Variants in PLIN5 observed in about 807,000 individuals in gnomAD.
PLIN5 encodes perilipin-5.
A neutral mutation model predicts 32.8 loss-of-function variants in PLIN5; 34 were observed. The ratio of observed to expected loss-of-function variants is 1.04; its 90% confidence interval spans 0.79 to 1.38. The LOEUF (loss-of-function observed/expected upper bound fraction) is 1.38, where lower values mean the gene tolerates loss of function less well. Among genes scored for constraint, PLIN5 ranks in the 40% most tolerant of loss-of-function variants. The pLI, the probability that PLIN5 is intolerant of heterozygous loss-of-function variation, is 0.00. For synonymous variants in PLIN5, 309 were observed against 292.9 expected (o/e 1.05, Z -0.56); for missense variants, 712 against 660.5 (o/e 1.08, Z -0.85).
rs768121130 is a variant in PLIN5, at chr19:4,531,819, C to T, written c.64G>A (p.Val22Met). The part of the protein sequence containing the change: ...SSVWEQDQQN[V>M]VQRVVALPLV... ...GGCAGAGCCACCACACGCTGCACCA[C>T]GTTCTGCGGGAAGGGTCGGCATCAG... The change falls in exon 3 of 8, where the codon GTG becomes ATG. Residue 22 changes from valine to methionine, a missense_variant. Transcript: ENST00000381848. The T allele has an allele frequency of 2.2e-5, 34 of 1,547,340 alleles. No homozygotes were observed. The Admixed American group carries it at 2.9e-4, about 13-fold the overall frequency.
chr19:4,529,586 A>G (rs921270895), intron 4 of PLIN5, 198 bp downstream of exon 4: 12 of 510,212 alleles, frequency 2.4e-5, no homozygotes, highest in Non-Finnish European at 4.2e-5. Flanking sequence ...ACATATATAC[A>G]CTATACGTAT....
In PLIN5 at chr19:4,525,095, T is replaced by C; in HGVS notation, c.721-19A>G. On this transcript the variant is annotated intron_variant, in intron 6 of 7. Coordinates refer to ENST00000381848, the MANE Select transcript of PLIN5 (RefSeq NM_001013706.3). The surrounding 1 kb of genome is among the most constrained non-coding windows in gnomAD (Gnocchi z 5.6). ...GGTCTATCTGCAAGGACAGAAATGGTGGTCTTCAGAGCTGGGGGAGCTGGG... is the reference window on the plus strand; with the variant it reads ...GGTCTATCTGCAAGGACAGAAATGGCGGTCTTCAGAGCTGGGGGAGCTGGG... The C allele has an allele frequency of 8.7e-7, 1 of 1,142,880 alleles. No homozygotes were observed. The highest frequency in any genetic ancestry group is 1.1e-6 in the Non-Finnish European group (1 of 884,998). 70.8% of individuals were successfully genotyped at this position (1,142,880 alleles called of 1,614,324 possible).
In PLIN5 at chr19:4,529,531, T is replaced by C. The variant is rs988294724; in HGVS notation, c.339+253A>G. On this transcript the variant is annotated intron_variant, in intron 4 of 7. Coordinates refer to ENST00000381848, the MANE Select transcript of PLIN5 (RefSeq NM_001013706.3). ...ATACATGTATATATACACATATACA[T>C]ATATACTTATACGTATATATACATA... 3.2e-5 allele frequency: 15 copies of C among 466,322 alleles called. No homozygotes were observed. The African/African-American group carries it at 5.9e-4, about 18-fold the overall frequency. 28.9% of individuals were successfully genotyped at this position (466,322 alleles called of 1,614,324 possible).
chr19:4,531,692 A>G lies in PLIN5; in HGVS notation c.191T>C (p.Val64Ala), dbSNP rs1339207359. 2 of 1,561,284 alleles carry G rather than the reference A, an allele frequency of 1.3e-6. No homozygotes were observed. The highest frequency in any genetic ancestry group is 1.9e-5 in the Admixed American group (1 of 53,700). The change falls in exon 3 of 8, where the codon GTG becomes GCG. Residue 64 changes from valine to alanine, a missense_variant. By Grantham distance (64) the Val-to-Ala change is moderately conservative. Transcript: ENST00000381848. ...CAGGGCACGGGTGGTCAGGCCGCACACGCAGTTCTCAGCCAGGCGGCAGGC... is the reference window on the plus strand; with the variant it reads ...CAGGGCACGGGTGGTCAGGCCGCACGCGCAGTTCTCAGCCAGGCGGCAGGC... ...GSACRLAENCVCGLTTRALDH... is the reference protein window; with the variant it reads ...GSACRLAENCACGLTTRALDH...
chr19:4,533,825 C>T, intron 2 of PLIN5, 190 bp downstream of exon 2: 1 of 646,028 alleles, frequency 1.5e-6, no homozygotes, highest in South Asian at 2.0e-5. Flanking sequence ...GAGAGACACT[C>T]CCCTCCCAGG....
chr19:4,523,262 A>T lies in PLIN5; in HGVS notation c.*266T>A. The T allele has an allele frequency of 2.5e-6, 1 of 394,974 alleles. No individual in the cohort carries two copies. Among genetic ancestry groups the T allele is most frequent in the Non-Finnish European group, 4.5e-6 (1 of 222,850 alleles). The allele number at this position is 394,974 out of a possible 1,614,324, so 24.5% of individuals were successfully genotyped here. ...TTGGATTCGCTTCATGGAGCCAGGG[A>T]GCAGGACATAGGTGAAGAACCCAGC... On this transcript the variant is annotated 3_prime_UTR_variant, in exon 8 of 8. Coordinates refer to ENST00000381848, the MANE Select transcript of PLIN5 (RefSeq NM_001013706.3). The surrounding 1 kb of genome is among the most constrained non-coding windows in gnomAD (Gnocchi z 5.0).
intron 3 of PLIN5, among the ~76,000 whole-genome samples, chr19:4,531,035 C>G (rs1976877687): frequency 6.7e-6 from 1 of 148,398 alleles, no homozygotes; most frequent in Admixed American, 6.8e-5. Flanking sequence ...GAGTCTCACT[C>G]TGTTGCCCAG....
chr19:4,523,313 G>A lies in PLIN5; in HGVS notation c.*215C>T, dbSNP rs1374107379. The stretch of plus-strand genomic sequence containing the variant: ...TTGTGGCTCAAGTTGGCCTGAATAG[G>A]GTTCGAGGCCCTGCTCCCCCGGGCC... On this transcript the variant is annotated 3_prime_UTR_variant, in exon 8 of 8. Coordinates refer to ENST00000381848, the MANE Select transcript of PLIN5 (RefSeq NM_001013706.3). The surrounding 1 kb of genome is among the most constrained non-coding windows in gnomAD (Gnocchi z 5.0). 1 of 508,106 alleles carries A rather than the reference G, an allele frequency of 2.0e-6. No homozygotes were observed. Among genetic ancestry groups the A allele is most frequent in the Non-Finnish European group, 3.3e-6 (1 of 299,188 alleles). 31.5% of individuals were successfully genotyped at this position (508,106 alleles called of 1,614,324 possible). A position where few individuals can be genotyped will look rare whatever the true frequency, so the allele number is the denominator to read the frequency against.
rs1199363443 is a variant in PLIN5, at chr19:4,531,711, G to A, written c.172C>T (p.Arg58Cys). 1.6e-5 allele frequency: 25 copies of A among 1,582,598 alleles called. No homozygotes were observed. The highest frequency in any genetic ancestry group is 5.3e-5 in the Admixed American group (3 of 56,742). The change falls in exon 3 of 8, where the codon CGC (arginine) becomes TGC (cysteine). Residue 58 changes from arginine (R) to cysteine (C), a missense_variant. Coordinates refer to ENST00000381848, the MANE Select transcript of PLIN5 (RefSeq NM_001013706.3). ...CCGCACACGCAGTTCTCAGCCAGGC[G>A]GCAGGCGGAGCCCAGCAGCGGGTGC... is the stretch of plus-strand genomic sequence containing the variant. Reference protein sequence around the residue: ...DRHPLLGSACRLAENCVCGLT... With the variant: ...DRHPLLGSACCLAENCVCGLT...
chr19:4,532,593 C>T (rs1047930062), intron 2 of PLIN5: 5 of 151,650 alleles, frequency 3.3e-5, no homozygotes, highest in African/African-American at 1.2e-4. Flanking sequence ...AGGTGATCCA[C>T]CCACCTCAGG....
rs1051395517 is a variant in PLIN5 at position 4,524,097 on chromosome 19, G to A, written c.835-12C>T. 1.2e-5 allele frequency: 17 copies of A among 1,402,296 alleles called. No individual in the cohort carries two copies. The highest frequency in any genetic ancestry group is 1.1e-4 in the South Asian group (7 of 63,836). 86.9% of individuals were successfully genotyped at this position (1,402,296 alleles called of 1,614,324 possible). ...GTCTCCAGCTCTGCCTGCAGGGGGC[G>A]GGGACCTCAGTTTCCCCTATGGACG... On this transcript the variant is annotated splice_polypyrimidine_tract_variant and intron_variant, in intron 7 of 7. Transcript: ENST00000381848.
chr19:4,524,967 C>T lies in PLIN5; in HGVS notation c.830G>A (p.Ser277Asn). 19 of 1,532,658 alleles carry T rather than the reference C, an allele frequency of 1.2e-5. No homozygotes were observed. Among genetic ancestry groups the T allele is most frequent in the Non-Finnish European group, 1.6e-5 (18 of 1,139,932 alleles). 94.9% of individuals were successfully genotyped at this position (1,532,658 alleles called of 1,614,324 possible). ...GQRPPESRRRSQAELETLVLS... is the reference protein window; with the variant it reads ...GQRPPESRRRNQAELETLVLS... The stretch of plus-strand genomic sequence containing the variant: ...CTGGCACTCCTGCGGTCTCACCTGG[C>T]TCCGGCGGCGGCTCTCCGGAGGGCG... Residue 277 changes from serine (S) to asparagine (N), a missense_variant, in exon 7 of 8, where the codon AGC (serine) becomes AAC (asparagine). Coordinates refer to ENST00000381848, the MANE Select transcript of PLIN5 (RefSeq NM_001013706.3).
intron 5 of PLIN5, among the ~76,000 whole-genome samples, chr19:4,527,921 T>G (rs1168447123): frequency 6.6e-6 from 1 of 152,072 alleles, no homozygotes; most frequent in East Asian, 1.9e-4. Context: ...TGCCTTTTTT[T>G]TTTTTTGAGA....
intron 7 of PLIN5, among the ~76,000 whole-genome samples, chr19:4,524,581 T>C (rs1371733651): frequency 6.6e-6 from 1 of 151,520 alleles, no homozygotes; most frequent in Non-Finnish European, 1.5e-5. Context: ...AAGTGGAAAG[T>C]GGAGAGATGG....
Position 4,523,848 on chromosome 19 carries a change from C to T in PLIN5, c.1072G>A (p.Val358Met), listed in dbSNP as rs767729143. 2.2e-5 allele frequency: 34 copies of T among 1,564,556 alleles called. No homozygotes were observed. Among genetic ancestry groups the T allele is most frequent in the Admixed American group, 7.4e-5 (4 of 54,146 alleles). The change falls in exon 8 of 8, where the codon GTG (valine) becomes ATG (methionine). Residue 358 changes from valine to methionine, a missense_variant. Coordinates refer to ENST00000381848, the MANE Select transcript of PLIN5 (RefSeq NM_001013706.3). The surrounding 1 kb of genome is among the most constrained non-coding windows in gnomAD (Gnocchi z 5.0). ...RGRVAHAHAC[V>M]DELLELVVQA... ...ACCACCAGCTCCAGCAGCTCGTCCACGCAGGCGTGCGCGTGGGCCACGCGA... is the reference window on the plus strand; with the variant it reads ...ACCACCAGCTCCAGCAGCTCGTCCATGCAGGCGTGCGCGTGGGCCACGCGA...
chr19:4,534,086 C>T lies in PLIN5; in HGVS notation c.-12G>A, dbSNP rs772573442. 4 of 1,610,930 alleles carry T rather than the reference C, an allele frequency of 2.5e-6. No homozygotes were observed. The South Asian group carries it at 3.3e-5, about 13-fold the overall frequency. ...TCTTCTTCAGACATCGTGCTGCAAA[C>T]AGGGTCACCCTGCGGGGCAGGATTG... is the stretch of plus-strand genomic sequence containing the variant. On this transcript the variant is annotated 5_prime_UTR_variant, in exon 2 of 8. Transcript: ENST00000381848.
Position 4,525,888 on chromosome 19 carries a change from ACAGGATACGGGGACAGCACG to A in PLIN5, c.521-76_521-57del. The A allele has an allele frequency of 3.1e-6, 2 of 646,548 alleles. No homozygotes were observed. The highest frequency in any genetic ancestry group is 3.7e-4 in the Middle Eastern group (1 of 2,696). 40.1% of individuals were successfully genotyped at this position (646,548 alleles called of 1,614,324 possible). ...GACAGGATACGGGGACAGCACGGGGACAGGATACGGGGACAGCACGGGGACAGGATACGGGGACAGCACGG... is the reference window on the plus strand; with the variant it reads ...GACAGGATACGGGGACAGCACGGGGAGGGACAGGATACGGGGACAGCACGG... On this transcript the variant is annotated intron_variant, in intron 5 of 7. Coordinates refer to ENST00000381848, the MANE Select transcript of PLIN5 (RefSeq NM_001013706.3). The surrounding 1 kb of genome is among the most constrained non-coding windows in gnomAD (Gnocchi z 5.6).
At chr19:4,529,944 G>C (rs1024781465) in intron 3 of PLIN5, 78 bp from the exon 4 acceptor site, 15 of 872,170 alleles carry the variant, frequency 1.7e-5, no homozygotes, top group Non-Finnish European at 2.7e-5. Context: ...TGTAGAAGGA[G>C]GGAATGCTAG....
rs746911390 is a variant in PLIN5, at chr19:4,531,775, G to A, written c.108C>T (p.Cys36=). Residue 36 remains cysteine (C), a synonymous_variant, in exon 3 of 8, where the codon TGC becomes TGT. Coordinates refer to ENST00000381848, the MANE Select transcript of PLIN5 (RefSeq NM_001013706.3). ...CACTGTAAACATCGCAGACCGCGGT[G>A]CACGTGGCCCTGACCAGGGGCAGAG... The part of the protein sequence containing the change: ...VVALPLVRAT[C]TAVCDVYSAA... The A allele has an allele frequency of 6.3e-7, 1 of 1,593,944 alleles. No individual in the cohort carries two copies. Among genetic ancestry groups the A allele is most frequent in the Non-Finnish European group, 8.5e-7 (1 of 1,172,136 alleles).
Sources: allele counts gnomAD v4.1 joint callset (sites outside exome capture counted in the v4.1 genomes callset), GRCh38; gene constraint gnomAD v4.1.1; non-coding constraint Gnocchi (gnomAD v3.1); transcripts MANE v1.5; gene names NCBI Gene and HGNC (gene_info 2026-07-23, HGNC 2026-07-21).